Variants in YWHAG observed in about 807,000 individuals in gnomAD.
YWHAG encodes the protein tyrosine 3-monooxygenase/tryptophan 5-monooxygenase activation protein gamma, also known as 14-3-3 protein gamma.
Under a neutral mutation model 23.3 loss-of-function variants are expected in YWHAG, and 1 was observed. That is an observed-to-expected ratio of 0.04 (90% CI 0.02 to 0.20). The LOEUF is 0.20. Ranked by LOEUF, YWHAG falls within the 10% of genes least tolerant of loss-of-function variation. The pLI, the probability that YWHAG is intolerant of heterozygous loss-of-function variation, is 1.00. For synonymous variants in YWHAG, 160 were observed against 144.0 expected (o/e 1.11, Z -0.80); for missense variants, 151 against 338.6 (o/e 0.45, Z 4.35).
chr7:76,332,958 T>G (rs1047002159), intron 1 of YWHAG, among the ~76,000 whole-genome samples: 13 of 147,742 alleles, frequency 8.8e-5, no homozygotes, highest in Non-Finnish European at 3.0e-5. Context: ...CCCGCCTCAG[T>G]CTATGGCTGA....
intron 1 of YWHAG, among the ~76,000 whole-genome samples, chr7:76,342,001 C>T (rs558633558): frequency 3.9e-5 from 6 of 152,272 alleles, no homozygotes; most frequent in South Asian, 2.1e-4. Flanking sequence ...ATATAAAATT[C>T]GAAATACTTG....
chr7:76,348,110 C>T (rs1803811109), intron 1 of YWHAG, among the ~76,000 whole-genome samples: 1 of 152,108 alleles, frequency 6.6e-6, no homozygotes, highest in African/African-American at 2.4e-5. Flanking sequence ...ATTAAATATG[C>T]AGCAGTTTAA....
rs1379680710 is a variant in YWHAG at position 76,358,622 on chromosome 7, C to A, written c.87+100G>T. ...TCAGTGAGCGAGACGGGGCGGTCAA[C>A]CCGCCATCGCGACAGGGCGACGAAG... On this transcript the variant is annotated intron_variant, in intron 1 of 1. Coordinates refer to ENST00000307630, the MANE Select transcript of YWHAG (RefSeq NM_012479.4). The A allele has an allele frequency of 9.0e-6, 11 of 1,227,438 alleles. No individual in the cohort carries two copies. The East Asian group carries it at 2.6e-4, about 29-fold the overall frequency. 76.0% of individuals were successfully genotyped at this position (1,227,438 alleles called of 1,614,324 possible). A position where few individuals can be genotyped will look rare whatever the true frequency, so the allele number is the denominator to read the frequency against.
rs377321607 is a variant in YWHAG, at chr7:76,329,619, C to T, written c.702G>A (p.Thr234=). 4.3e-6 allele frequency: 7 copies of T among 1,613,066 alleles called. No individual in the cohort carries two copies. The highest frequency in any genetic ancestry group is 2.7e-5 in the African/African-American group (2 of 74,924). Reference sequence around the variant, plus strand: ...CGCCATCGTCGTCCTGCTGGTCGCTCGTCCAGAGCGTGAGGTTGTCGCGGA... The same window carrying T: ...CGCCATCGTCGTCCTGCTGGTCGCTTGTCCAGAGCGTGAGGTTGTCGCGGA... ...QLLRDNLTLW[T]SDQQDDDGGE... is the part of the protein sequence containing the mutation. The change falls in exon 2 of 2, where the codon ACG becomes ACA. Residue 234 remains threonine, a synonymous_variant. Coordinates refer to ENST00000307630, the MANE Select transcript of YWHAG (RefSeq NM_012479.4). This position sits in a 1 kb window ranked among gnomAD's most constrained non-coding sequence, Gnocchi z 6.1.
chr7:76,344,707 G>A (rs1803749682), intron 1 of YWHAG, among the ~76,000 whole-genome samples: 1 of 152,012 alleles, frequency 6.6e-6, no homozygotes, highest in Admixed American at 6.6e-5. Flanking sequence ...TTATCCCAAG[G>A]CTATTCTCAA....
chr7:76,344,932 C>T (rs1177065792), intron 1 of YWHAG, among the ~76,000 whole-genome samples: 1 of 152,176 alleles, frequency 6.6e-6, no homozygotes, highest in Admixed American at 6.5e-5. Flanking sequence ...TTCATGGAGA[C>T]CCAGCAACTC....
At position 76,358,888 on chromosome 7, in the gene YWHAG, C is replaced by G; in HGVS notation, c.-80G>C. The G allele has an allele frequency of 2.9e-6, 4 of 1,397,178 alleles. No individual in the cohort carries two copies. The highest frequency in any genetic ancestry group is 3.9e-6 in the Non-Finnish European group (4 of 1,034,002). 86.5% of individuals were successfully genotyped at this position (1,397,178 alleles called of 1,614,324 possible). ...GGGCTTGGAGGGCGCGACTGGAGCC[C>G]AAGTGCCGGAGAGGACCGACCCACA... On this transcript the variant is annotated 5_prime_UTR_variant, in exon 1 of 2. Transcript: ENST00000307630.
At chr7:76,349,670 T>C (rs1333688735) in intron 1 of YWHAG, among the ~76,000 whole-genome samples, 2 of 152,232 alleles carry the variant, frequency 1.3e-5, no homozygotes, top group Non-Finnish European at 2.9e-5. Context: ...TTGTGCCATA[T>C]TGTTTGCCCT....
At chr7:76,350,971 A>G (rs1483026202) in intron 1 of YWHAG, among the ~76,000 whole-genome samples, 2 of 152,218 alleles carry the variant, frequency 1.3e-5, no homozygotes, top group African/African-American at 4.8e-5. Context: ...CAAAAAAATA[A>G]TTAAATTATG....
chr7:76,354,668 T>C (rs376905921), intron 1 of YWHAG, among the ~76,000 whole-genome samples: 1 of 152,278 alleles, frequency 6.6e-6, no homozygotes, highest in Non-Finnish European at 1.5e-5. Flanking sequence ...GTCCCATCAG[T>C]TAAGAGCCTC....
chr7:76,338,454 C>T (rs1248660570), intron 1 of YWHAG, among the ~76,000 whole-genome samples: 1 of 152,098 alleles, frequency 6.6e-6, no homozygotes, highest in Non-Finnish European at 1.5e-5. Flanking sequence ...GTATTACACT[C>T]GCTTTACAGG....
At position 76,358,929 on chromosome 7, in the gene YWHAG, G is replaced by C; in HGVS notation, c.-121C>G. ...CCGACCCACAGAGCGAGCAGCTGAG[G>C]CGGCGGCTGCGCGGAGGAGGCGGCT... is the stretch of plus-strand genomic sequence containing the variant. On this transcript the variant is annotated 5_prime_UTR_variant, in exon 1 of 2. Coordinates refer to ENST00000307630, the MANE Select transcript of YWHAG (RefSeq NM_012479.4). The C allele has an allele frequency of 1.1e-6, 1 of 928,722 alleles. No homozygotes were observed. Among genetic ancestry groups the C allele is most frequent in the Non-Finnish European group, 1.5e-6 (1 of 676,826 alleles). 57.5% of individuals were successfully genotyped at this position (928,722 alleles called of 1,614,324 possible).
intron 1 of YWHAG, among the ~76,000 whole-genome samples, chr7:76,342,026 A>C (rs1803703575): frequency 6.6e-6 from 1 of 152,182 alleles, no homozygotes; most frequent in Admixed American, 6.6e-5. Context: ...TTCTTAATAC[A>C]TGGACTTACA....
At chr7:76,335,124 C>T (rs1053032618) in intron 1 of YWHAG, among the ~76,000 whole-genome samples, 1 of 152,158 alleles carries the variant, frequency 6.6e-6, no homozygotes, top group Non-Finnish European at 1.5e-5. Context: ...GTGGCACAAT[C>T]CCGGCTCACT....
intron 1 of YWHAG, among the ~76,000 whole-genome samples, chr7:76,332,971 T>A (rs1434324682): frequency 6.6e-6 from 1 of 152,032 alleles, no homozygotes; most frequent in African/African-American, 2.4e-5. Flanking sequence ...ATGGCTGATT[T>A]ATTTATTTCT....
intron 1 of YWHAG, 125 bp from the exon 2 acceptor site, chr7:76,330,358 T>G (rs900832043): frequency 1.1e-4 from 116 of 1,070,466 alleles, no homozygotes; most frequent in Admixed American, 1.6e-4. Context: ...TTACTTTGTG[T>G]GGGCTGGGGG....
intron 1 of YWHAG, among the ~76,000 whole-genome samples, chr7:76,345,467 T>TG (rs1803764927): frequency 6.7e-6 from 1 of 150,010 alleles, no homozygotes; most frequent in Admixed American, 6.7e-5. Context: ...ATTACAGGCG[T>TG]GAGCCACCGT....
intron 1 of YWHAG, among the ~76,000 whole-genome samples, chr7:76,335,874 T>C (rs1803607837): frequency 6.6e-6 from 1 of 152,160 alleles, no homozygotes; most frequent in South Asian, 2.1e-4. Flanking sequence ...CACCTGAACC[T>C]GAGAGGTGGA....
chr7:76,348,265 GTT>G (rs201085040), intron 1 of YWHAG, among the ~76,000 whole-genome samples: 67,901 of 126,992 alleles, frequency 0.53, 16,963 homozygotes, highest in East Asian at 0.9. Flanking sequence ...CTTAGACTTC[GTT>G]TTTTTTTTTT....
Sources: gnomAD v4.1 joint callset for allele counts (sites outside exome capture counted in the v4.1 genomes callset) on GRCh38, gnomAD v4.1.1 for gene constraint, Gnocchi (gnomAD v3.1) non-coding constraint, MANE v1.5 for transcripts, NCBI Gene and HGNC (gene_info 2026-07-23, HGNC 2026-07-21) for gene names.